TRAPPC9: variants seen among roughly 807,000 people sequenced by gnomAD.
TRAPPC9 encodes the protein IKK2 binding protein.
In TRAPPC9, 83 loss-of-function variants were observed where a neutral mutation model predicts 124.0. The ratio of observed to expected loss-of-function variants is 0.67; its 90% confidence interval spans 0.56 to 0.80. TRAPPC9 has a LOEUF of 0.80. Ranked by LOEUF, TRAPPC9 falls within the 30% of genes least tolerant of loss-of-function variation. The pLI is 0.00. For synonymous variants in TRAPPC9, 638 were observed against 617.5 expected, an observed-to-expected ratio of 1.03 and a Z score of -0.49; for missense variants, 1,302 against 1,508.3, an observed-to-expected ratio of 0.86 and a Z score of 2.27.
intron 18 of TRAPPC9, among the ~76,000 whole-genome samples, chr8:139,997,880 GGGGAGACAATGCA>G (rs1838136816): frequency 2.2e-5 from 1 of 46,016 alleles, no homozygotes. Context: ...ATCCCACACA[GGGGAGACAATGCA>G]TCCCACACAG....
chr8:139,952,216 TG>T (rs1356636108), intron 19 of TRAPPC9, among the ~76,000 whole-genome samples: 1 of 152,226 alleles, frequency 6.6e-6, no homozygotes, highest in Non-Finnish European at 1.5e-5. Context: ...AATAGCAAAT[TG>T]CATGCCAGAC....
At chr8:139,805,588 C>T (rs1823992436) in intron 21 of TRAPPC9, among the ~76,000 whole-genome samples, 1 of 152,080 alleles carries the variant, frequency 6.6e-6, no homozygotes, top group Non-Finnish European at 1.5e-5. Flanking sequence ...GGCCAGGCTC[C>T]CCTACTGTCC....
intron 17 of TRAPPC9, chr8:140,095,574 A>G (rs1317743497): frequency 6.6e-6 from 1 of 152,218 alleles, no homozygotes; most frequent in African/African-American, 2.4e-5. Context: ...GGACCCAAAG[A>G]AACCCTGCTG....
chr8:139,994,832 C>G (rs1488118473), intron 18 of TRAPPC9, among the ~76,000 whole-genome samples: 1 of 151,848 alleles, frequency 6.6e-6, no homozygotes, highest in Non-Finnish European at 1.5e-5. Context: ...TCGTAAGGCA[C>G]AGTGTGATCA....
At chr8:140,147,443 T>C (rs1391542281) in intron 17 of TRAPPC9, among the ~76,000 whole-genome samples, 3 of 152,196 alleles carry the variant, frequency 2.0e-5, no homozygotes, top group South Asian at 4.1e-4. Flanking sequence ...GTTCCCGGCA[T>C]GAAGACTCAG....
At chr8:140,269,996 A>G (rs923357961) in intron 15 of TRAPPC9, among the ~76,000 whole-genome samples, 1 of 152,138 alleles carries the variant, frequency 6.6e-6, no homozygotes, top group African/African-American at 2.4e-5. Context: ...GTTACTCAGG[A>G]GGCTGAGGCA....
At chr8:140,355,131 A>G (rs1387306213) in intron 9 of TRAPPC9, among the ~76,000 whole-genome samples, 1 of 152,214 alleles carries the variant, frequency 6.6e-6, no homozygotes, top group Non-Finnish European at 1.5e-5. Flanking sequence ...TGTCACCTAA[A>G]AACATACAGC....
chr8:140,314,096 A>G lies in TRAPPC9; in HGVS notation c.1496-2722T>C, dbSNP rs2066381435. On this transcript the variant is annotated intron_variant, in intron 9 of 22. Transcript: ENST00000438773. The stretch of plus-strand genomic sequence containing the variant: ...CACTTAGAAGCTAGAATTTGTTTAT[A>G]AGGAAGGATTTTTTCCTCATCAATC... Among the ~76,000 whole-genome samples, 4 of 152,202 alleles carry G rather than the reference A, an allele frequency of 2.6e-5. 1 individual carries two copies. The highest frequency in any genetic ancestry group is 2.6e-4 in the Admixed American group (4 of 15,278).
rs552637856 is a variant in TRAPPC9, at chr8:140,104,078, C to A, written c.2557-79999G>T. On this transcript the variant is annotated intron_variant, in intron 17 of 22. Transcript: ENST00000438773. This position sits in a 1 kb window ranked among gnomAD's most constrained non-coding sequence, Gnocchi z 4.0. ...TGTTTATTCATTCACTCAGCAGTTA[C>A]TTAGCACTTATCCTGGGTACCAAGC... Among the ~76,000 whole-genome samples, 1 of 152,340 alleles carries A rather than the reference C, an allele frequency of 6.6e-6. No individual in the cohort carries two copies. Among genetic ancestry groups the A allele is most frequent in the Non-Finnish European group, 1.5e-5 (1 of 68,038 alleles).
At chr8:139,914,329 G>A (rs1831958335) in intron 19 of TRAPPC9, among the ~76,000 whole-genome samples, 1 of 152,248 alleles carries the variant, frequency 6.6e-6, no homozygotes, top group Non-Finnish European at 1.5e-5. Flanking sequence ...ACACCCAGGT[G>A]CTGGAAGGTA....
chr8:139,837,768 C>T (rs1333704635), intron 21 of TRAPPC9, among the ~76,000 whole-genome samples: 1 of 152,186 alleles, frequency 6.6e-6, no homozygotes, highest in Non-Finnish European at 1.5e-5. Flanking sequence ...ATGCCAGGAG[C>T]CCCTCGGCCC....
intron 17 of TRAPPC9, among the ~76,000 whole-genome samples, chr8:140,172,895 A>G (rs1034479362): frequency 6.6e-6 from 1 of 152,194 alleles, no homozygotes; most frequent in Non-Finnish European, 1.5e-5. Context: ...GACTGCACAC[A>G]CTGTCTCTGA....
At chr8:140,325,897 G>C (rs757067883) in intron 9 of TRAPPC9, among the ~76,000 whole-genome samples, 12 of 152,142 alleles carry the variant, frequency 7.9e-5, no homozygotes, top group Non-Finnish European at 1.6e-4. Context: ...CTGAGGAAGA[G>C]AGACCCCCCC....
At chr8:139,912,663 T>C (rs1370150521) in intron 19 of TRAPPC9, among the ~76,000 whole-genome samples, 1 of 152,252 alleles carries the variant, frequency 6.6e-6, no homozygotes, top group Non-Finnish European at 1.5e-5. Context: ...TTTGAATCTT[T>C]GCTAGTAATA....
At chr8:139,800,616 T>C (rs986756105) in intron 21 of TRAPPC9, among the ~76,000 whole-genome samples, 1 of 152,182 alleles carries the variant, frequency 6.6e-6, no homozygotes, top group Non-Finnish European at 1.5e-5. Flanking sequence ...AAGGCAGGTT[T>C]TTCATCTGTA....
At chr8:139,858,882 G>A (rs1827963335) in intron 21 of TRAPPC9, among the ~76,000 whole-genome samples, 1 of 149,904 alleles carries the variant, frequency 6.7e-6, no homozygotes, top group Non-Finnish European at 1.5e-5. Context: ...CTTTAAACAC[G>A]CCTCGCATAA....
intron 15 of TRAPPC9, among the ~76,000 whole-genome samples, chr8:140,262,440 T>C (rs1473873722): frequency 6.6e-6 from 1 of 151,180 alleles, no homozygotes; most frequent in Non-Finnish European, 1.5e-5. Context: ...GATCAGCTTA[T>C]TTTGTAAACT....
In TRAPPC9 at chr8:140,123,288, C is replaced by T. The variant is rs564503407; in HGVS notation, c.2556+98171G>A. Among the ~76,000 whole-genome samples the T allele has an allele frequency of 6.6e-5, 10 of 152,330 alleles. No individual in the cohort carries two copies. In the South Asian group the frequency reaches 1.2e-3, roughly 19 times the overall value. ...GCTCCAGCCGGACCTCCCACTGCCACGCTTGCATCTTGCACACATTCTCCC... is the reference window on the plus strand; with the variant it reads ...GCTCCAGCCGGACCTCCCACTGCCATGCTTGCATCTTGCACACATTCTCCC... On this transcript the variant is annotated intron_variant, in intron 17 of 22. Transcript: ENST00000438773.
Position 140,232,926 on chromosome 8 carries a change from T to C in TRAPPC9, c.2432-11343A>G, listed in dbSNP as rs557421326. Among the ~76,000 whole-genome samples the C allele has an allele frequency of 2.6e-5, 4 of 152,322 alleles. No homozygotes were observed. The South Asian group carries it at 6.2e-4, about 24-fold the overall frequency. ...TGGTTTCCCAAGCCAAAGCGTGACA[T>C]GTGCTTGTTCTCCTTTTAGAAACTA... On this transcript the variant is annotated intron_variant, in intron 16 of 22. Transcript: ENST00000438773.
Sources: gnomAD v4.1 joint callset for allele counts (sites outside exome capture counted in the v4.1 genomes callset) on GRCh38, gnomAD v4.1.1 for gene constraint, Gnocchi (gnomAD v3.1) non-coding constraint, MANE v1.5 for transcripts, NCBI Gene and HGNC (gene_info 2026-07-23, HGNC 2026-07-21) for gene names.